The following GPR6 variants were observed in gnomAD, a reference collection of about 807,000 sequenced individuals.
GPR6 encodes the protein sphingosine 1-phosphate receptor GPR6.
In GPR6, 14 loss-of-function variants were observed where a neutral mutation model predicts 18.5. The observed-to-expected ratio is 0.76, with a 90% CI of 0.50 to 1.18. The LOEUF (loss-of-function observed/expected upper bound fraction) is 1.18. Among genes scored for constraint, GPR6 ranks in the 50% most tolerant of loss-of-function variants. The pLI, the probability that GPR6 is intolerant of heterozygous loss-of-function variation, is 0.00. For synonymous variants in GPR6, 299 were observed against 240.9 expected, an observed-to-expected ratio of 1.24 and a Z score of -2.23; for missense variants, 477 against 495.9, an observed-to-expected ratio of 0.96 and a Z score of 0.36.
chr6:109,979,665 G>T lies in GPR6; in HGVS notation c.553G>T (p.Val185Leu). ...TYYSRRTLLG[V>L]HLLLAATWTV... The stretch of plus-strand genomic sequence containing the variant: ...TTACTCGCGCCGGACCCTGTTGGGC[G>T]TGCACCTCCTGCTTGCCGCCACTTG... The change falls in exon 2 of 2, where the codon GTG (valine) becomes TTG (leucine). Residue 185 changes from valine to leucine, a missense_variant. Transcript: ENST00000275169. The T allele has an allele frequency of 1.2e-6, 2 of 1,611,476 alleles. No homozygotes were observed. The highest frequency in any genetic ancestry group is 1.1e-5 in the South Asian group (1 of 91,084).
In GPR6 at chr6:109,979,945, T is replaced by C. The variant is rs759422594; in HGVS notation, c.833T>C (p.Val278Ala). Reference protein sequence around the residue: ...PPHLAATRKGVGTLAVVLGTF... With the variant: ...PPHLAATRKGAGTLAVVLGTF... ...CATCTCGCTGCCACCAGAAAGGGTG[T>C]GGGTACACTGGCTGTGGTGCTGGGC... Residue 278 changes from valine (V) to alanine (A), a missense_variant, in exon 2 of 2, where the codon GTG becomes GCG. Coordinates refer to ENST00000275169, the MANE Select transcript of GPR6 (RefSeq NM_005284.5). 96 of 1,612,910 alleles carry C rather than the reference T, an allele frequency of 6.0e-5. No individual in the cohort carries two copies. Among genetic ancestry groups the C allele is most frequent in the Non-Finnish European group, 7.9e-5 (93 of 1,180,032 alleles).
intron 1 of GPR6, chr6:109,978,744 C>A (rs1263467733): frequency 3.3e-6 from 5 of 1,535,510 alleles, no homozygotes; most frequent in Non-Finnish European, 4.4e-6. Flanking sequence ...GTCCTGGTCG[C>A]GCCGCCACAA....
In GPR6 at chr6:109,980,148, G is replaced by T. The variant is rs1771055611; in HGVS notation, c.1036G>T (p.Gly346Cys). 6.2e-7 allele frequency: 1 copy of T among 1,614,096 alleles called. No individual in the cohort carries two copies. The highest frequency in any genetic ancestry group is 1.7e-5 in the Admixed American group (1 of 60,006). Residue 346 changes from glycine to cysteine, a missense_variant, in exon 2 of 2, where the codon GGC becomes TGC. By Grantham distance (159) the Gly-to-Cys change is radical (BLOSUM62 -3). Transcript: ENST00000275169. Reference protein sequence around the residue: ...IQRALWLLLCGCFQSKVPFRS... With the variant: ...IQRALWLLLCCCFQSKVPFRS... ...GCGCGCCCTGTGGCTCCTGCTCTGT[G>T]GCTGTTTCCAGTCCAAAGTGCCCTT...
intron 1 of GPR6, chr6:109,978,721 G>C (rs1250661363): frequency 1.3e-6 from 2 of 1,534,676 alleles, no homozygotes; most frequent in Non-Finnish European, 1.7e-6. Flanking sequence ...CTGCTGCCCA[G>C]CCCCATGGGG....
rs756811566 is a variant in GPR6 at position 109,979,198 on chromosome 6, G to T, written c.86G>T (p.Gly29Val). ...GCGGCGGCGGCGGCCACAGCAGCAGGGGGGCCGGACACGGGCGAATGGGGA... is the reference window on the plus strand; with the variant it reads ...GCGGCGGCGGCGGCCACAGCAGCAGTGGGGCCGGACACGGGCGAATGGGGA... ...EGAAAAATAA[G>V]GPDTGEWGPP... The change falls in exon 2 of 2, where the codon GGG becomes GTG. Residue 29 changes from glycine (G) to valine (V), a missense_variant. Gly to Val is a moderately radical substitution (Grantham distance 109). Coordinates refer to ENST00000275169, the MANE Select transcript of GPR6 (RefSeq NM_005284.5). 1.3e-6 allele frequency: 2 copies of T among 1,599,866 alleles called. No homozygotes were observed. The highest frequency in any genetic ancestry group is 1.7e-5 in the Admixed American group (1 of 57,436).
In GPR6 at chr6:109,979,089, A is replaced by G. The variant is rs764086753; in HGVS notation, c.-18-6A>G. ...CACCTGACGCCTGCACTCCCTCCCT[A>G]TGCAGGGTGCAAATCCGGCCGCGAT... On this transcript the variant is annotated splice_region_variant and splice_polypyrimidine_tract_variant and intron_variant, in intron 1 of 1. Coordinates refer to ENST00000275169, the MANE Select transcript of GPR6 (RefSeq NM_005284.5). 2 of 1,563,646 alleles carry G rather than the reference A, an allele frequency of 1.3e-6. No homozygotes were observed. The highest frequency in any genetic ancestry group is 1.2e-5 in the South Asian group (1 of 84,462).
At position 109,979,460 on chromosome 6, in the gene GPR6, C is replaced by A. The variant is rs1702953882; in HGVS notation, c.348C>A (p.Thr116=). Residue 116 remains threonine, a synonymous_variant, in exon 2 of 2, where the codon ACC becomes ACA. Coordinates refer to ENST00000275169, the MANE Select transcript of GPR6 (RefSeq NM_005284.5). ...TCGTGCTGGTAGGCAGCCTGGCCAC[C>A]GCTGACCTGTTGGCGGGCTGTGGCC... The part of the protein sequence containing the change: ...PMFVLVGSLA[T]ADLLAGCGLI... 2 of 1,613,228 alleles carry A rather than the reference C, an allele frequency of 1.2e-6. No homozygotes were observed. Among genetic ancestry groups the A allele is most frequent in the South Asian group, 1.1e-5 (1 of 91,090 alleles).
Position 109,979,529 on chromosome 6 carries a change from T to A in GPR6, c.417T>A (p.Thr139=). ...TCCAGTACTTGGTGCCCTCGGAGAC[T>A]GTGAGTCTGCTCACGGTGGGCTTCC... ...FVFQYLVPSE[T]VSLLTVGFLV... is the part of the protein sequence containing the mutation. Residue 139 remains threonine, a synonymous_variant, in exon 2 of 2, where the codon ACT becomes ACA. Coordinates refer to ENST00000275169, the MANE Select transcript of GPR6 (RefSeq NM_005284.5). 4 of 1,613,236 alleles carry A rather than the reference T, an allele frequency of 2.5e-6. No individual in the cohort carries two copies. The highest frequency in any genetic ancestry group is 2.2e-5 in the East Asian group (1 of 44,872).
intron 1 of GPR6, 67 bp downstream of exon 1, chr6:109,978,534 G>C (rs1338277130): frequency 9.2e-6 from 5 of 541,376 alleles, no homozygotes; most frequent in Non-Finnish European, 1.7e-5. Context: ...ATATCCAGGG[G>C]ACAGGTCTTT....
At chr6:109,978,740 G>C (rs1326946116) in intron 1 of GPR6, 1 of 1,535,594 alleles carries the variant, frequency 6.5e-7, no homozygotes. Flanking sequence ...GGATGTCCTG[G>C]TCGCGCCGCC....
chr6:109,978,562 GA>G, intron 1 of GPR6, 95 bp downstream of exon 1: 1 of 578,916 alleles, frequency 1.7e-6, no homozygotes, highest in African/African-American at 1.9e-5. Flanking sequence ...AGGAGAAATG[GA>G]GCCAACCTTG....
Position 109,979,818 on chromosome 6 carries a change from A to G in GPR6, c.706A>G (p.Met236Val), listed in dbSNP as rs1583858879. The G allele has an allele frequency of 3.1e-6, 5 of 1,604,652 alleles. No individual in the cohort carries two copies. The highest frequency in any genetic ancestry group is 4.5e-5 in the East Asian group (2 of 44,772). ...HVALLSAAFF[M>V]VFGIMLHLYV... ...GGCTCTGCTCTCCGCCGCCTTCTTC[A>G]TGGTCTTCGGCATCATGCTGCACCT... The change falls in exon 2 of 2, where the codon ATG becomes GTG. Residue 236 changes from methionine to valine, a missense_variant. Coordinates refer to ENST00000275169, the MANE Select transcript of GPR6 (RefSeq NM_005284.5).
intron 1 of GPR6, chr6:109,978,739 G>T: frequency 1.3e-6 from 2 of 1,535,554 alleles, no homozygotes; most frequent in South Asian, 2.4e-5. Flanking sequence ...GGGATGTCCT[G>T]GTCGCGCCGC....
In GPR6 at chr6:109,980,035, C is replaced by A. The variant is rs575728346; in HGVS notation, c.923C>A (p.Ala308Glu). Residue 308 changes from alanine to glutamate, a missense_variant, in exon 2 of 2, where the codon GCG becomes GAG. Ala to Glu is a moderately radical substitution (Grantham distance 107). Transcript: ENST00000275169. ...YCVVGSHEDP[A>E]VYTYATLLPA... ...GTGGTGGGCAGCCATGAGGACCCGG[C>A]GGTCTACACTTACGCCACCCTGCTG... is the stretch of plus-strand genomic sequence containing the variant. The A allele has an allele frequency of 6.2e-6, 10 of 1,613,692 alleles. No individual in the cohort carries two copies. Among genetic ancestry groups the A allele is most frequent in the East Asian group, 2.2e-5 (1 of 44,868 alleles).
Position 109,980,386 on chromosome 6 carries a change from C to A in GPR6, c.*185C>A. On this transcript the variant is annotated 3_prime_UTR_variant, in exon 2 of 2. Transcript: ENST00000275169. Reference sequence around the variant, plus strand: ...GAGGCTTGTTGGCACTTTACATATACAGTGTATACATGTGTACATATATAT... The same window carrying A: ...GAGGCTTGTTGGCACTTTACATATAAAGTGTATACATGTGTACATATATAT... 3 of 713,046 alleles carry A rather than the reference C, an allele frequency of 4.2e-6. No individual in the cohort carries two copies. Among genetic ancestry groups the A allele is most frequent in the Non-Finnish European group, 7.1e-6 (3 of 424,044 alleles). 44.2% of individuals were successfully genotyped at this position (713,046 alleles called of 1,614,324 possible). A position where few individuals can be genotyped will look rare whatever the true frequency, so the allele number is the denominator to read the frequency against.
rs139907866 is a variant in GPR6 at position 109,979,401 on chromosome 6, A to T, written c.289A>T (p.Ile97Phe). ...AGENALVVAL[I>F]ASTPALRTPM... ...AGAAAACGCGCTGGTGGTGGCGCTC[A>T]TCGCGTCCACTCCGGCGCTGCGCAC... is the stretch of plus-strand genomic sequence containing the variant. The change falls in exon 2 of 2, where the codon ATC becomes TTC. Residue 97 changes from isoleucine to phenylalanine, a missense_variant. By Grantham distance (21) the Ile-to-Phe change is conservative (BLOSUM62 0). Coordinates refer to ENST00000275169, the MANE Select transcript of GPR6 (RefSeq NM_005284.5). 1 of 1,613,658 alleles carries T rather than the reference A, an allele frequency of 6.2e-7. No individual in the cohort carries two copies. Among genetic ancestry groups the T allele is most frequent in the East Asian group, 2.2e-5 (1 of 44,866 alleles).
intron 1 of GPR6, chr6:109,978,684 TC>T (rs1770999097): frequency 6.7e-7 from 1 of 1,499,988 alleles, no homozygotes; most frequent in Non-Finnish European, 8.9e-7. Flanking sequence ...GCCAGAAACT[TC>T]GCTTTCAGCA....
At position 109,979,375 on chromosome 6, in the gene GPR6, G is replaced by T. The variant is rs765722319; in HGVS notation, c.263G>T (p.Gly88Val). Reference sequence around the variant, plus strand: ...TGCGTGTCGGGGACAGTGATCGCTGGAGAAAACGCGCTGGTGGTGGCGCTC... The same window carrying T: ...TGCGTGTCGGGGACAGTGATCGCTGTAGAAAACGCGCTGGTGGTGGCGCTC... ...LLCVSGTVIA[G>V]ENALVVALIA... Residue 88 changes from glycine to valine, a missense_variant, in exon 2 of 2, where the codon GGA becomes GTA. Physicochemically the swap from Gly to Val is moderately radical, Grantham distance 109. Coordinates refer to ENST00000275169, the MANE Select transcript of GPR6 (RefSeq NM_005284.5). 2 of 1,613,816 alleles carry T rather than the reference G, an allele frequency of 1.2e-6. No homozygotes were observed. The highest frequency in any genetic ancestry group is 1.7e-6 in the Non-Finnish European group (2 of 1,179,982).
chr6:109,979,309 G>A lies in GPR6; in HGVS notation c.197G>A (p.Gly66Glu), dbSNP rs974178659. 1.2e-6 allele frequency: 2 copies of A among 1,613,412 alleles called. No homozygotes were observed. Among genetic ancestry groups the A allele is most frequent in the African/African-American group, 2.7e-5 (2 of 74,928 alleles). ...LSSQLSAGPP[G>E]LLLPAVNPWD... is the part of the protein sequence containing the mutation. ...TCGCAGCTGTCGGCTGGGCCACCGG[G>A]ACTCCTGCTGCCAGCGGTGAATCCG... Residue 66 changes from glycine (G) to glutamate (E), a missense_variant, in exon 2 of 2, where the codon GGA becomes GAA. Transcript: ENST00000275169.
Sources: gnomAD v4.1 joint callset for allele counts on GRCh38, gnomAD v4.1.1 for gene constraint, MANE v1.5 for transcripts, NCBI Gene and HGNC (gene_info 2026-07-23, HGNC 2026-07-21) for gene names.